The following AGBL1 variants were observed in gnomAD, a reference collection of about 807,000 sequenced individuals.
The protein encoded by AGBL1 is cytosolic carboxypeptidase 4.
In AGBL1, 130 loss-of-function variants were observed where a neutral mutation model predicts 118.9. That is an observed-to-expected ratio of 1.09 (90% CI 0.95 to 1.26). AGBL1 has a LOEUF of 1.26. Among genes scored for constraint, AGBL1 ranks in the 50% most tolerant of loss-of-function variants. The pLI, the probability that AGBL1 is intolerant of heterozygous loss-of-function variation, is 0.00. For synonymous variants in AGBL1, 555 were observed against 478.9 expected, an observed-to-expected ratio of 1.16 and a Z score of -2.08; for missense variants, 1,584 against 1,298.1, an observed-to-expected ratio of 1.22 and a Z score of -3.38.
chr15:86,779,783 T>A (rs1351238605), intron 22 of AGBL1, among the ~76,000 whole-genome samples: 1 of 151,934 alleles, frequency 6.6e-6, no homozygotes, highest in Non-Finnish European at 1.5e-5. Context: ...TAAAATAGAG[T>A]ATTTTATTTT....
intron 17 of AGBL1, among the ~76,000 whole-genome samples, chr15:86,397,091 A>G (rs1363704203): frequency 2.6e-5 from 4 of 152,176 alleles, no homozygotes; most frequent in Non-Finnish European, 4.4e-5. Flanking sequence ...CAATCCATCT[A>G]TTTAAAACCT....
chr15:86,872,651 G>A (rs752140957), intron 22 of AGBL1, among the ~76,000 whole-genome samples: 3 of 152,160 alleles, frequency 2.0e-5, no homozygotes, highest in Non-Finnish European at 2.9e-5. Flanking sequence ...AGCTACTCAG[G>A]AGGCTGAGGC....
At chr15:86,834,228 A>G (rs1185638343) in intron 22 of AGBL1, among the ~76,000 whole-genome samples, 2 of 152,186 alleles carry the variant, frequency 1.3e-5, no homozygotes, top group African/African-American at 2.4e-5. Flanking sequence ...CGGTATCCCA[A>G]TAATAGATGC....
intron 23 of AGBL1, among the ~76,000 whole-genome samples, chr15:86,984,914 C>A (rs575320773): frequency 6.6e-6 from 1 of 152,184 alleles, no homozygotes; most frequent in Non-Finnish European, 1.5e-5. Context: ...TGGTCACAGA[C>A]AACCGATGAT....
chr15:86,712,987 G>C (rs2086584354), intron 22 of AGBL1, among the ~76,000 whole-genome samples: 1 of 152,074 alleles, frequency 6.6e-6, no homozygotes, highest in African/African-American at 2.4e-5. Flanking sequence ...ATAATGATGT[G>C]CACTACAACC....
chr15:86,756,418 G>C lies in AGBL1; in HGVS notation c.3158+81982G>C, dbSNP rs147101304. On this transcript the variant is annotated intron_variant, in intron 22 of 22. Coordinates refer to ENST00000614907, the MANE Select transcript of AGBL1 (RefSeq NM_001386094.1). Reference sequence around the variant, plus strand: ...TGGGGACTCATCAGTTCATAAGATAGACACAGGCCCTGCCTGTTGGCTCCT... The same window carrying C: ...TGGGGACTCATCAGTTCATAAGATACACACAGGCCCTGCCTGTTGGCTCCT... Among the ~76,000 whole-genome samples the C allele has an allele frequency of 2.0e-5, 3 of 152,090 alleles. No individual in the cohort carries two copies. The East Asian group carries it at 5.8e-4, about 29-fold the overall frequency.
At chr15:86,267,189 C>A in intron 13 of AGBL1, 113 bp downstream of exon 13, 2 of 794,732 alleles carry the variant, frequency 2.5e-6, no homozygotes, top group South Asian at 1.6e-5. Context: ...TGAAATCAGC[C>A]ATGGTGGGAA....
chr15:86,353,879 T>C (rs2080669973), intron 17 of AGBL1, among the ~76,000 whole-genome samples: 1 of 152,220 alleles, frequency 6.6e-6, no homozygotes, highest in African/African-American at 2.4e-5. Flanking sequence ...TGTTGGACGA[T>C]AAGAAACTAG....
chr15:86,107,041 A>G (rs754377035), intron 1 of AGBL1, among the ~76,000 whole-genome samples: 1 of 152,200 alleles, frequency 6.6e-6, no homozygotes, highest in Non-Finnish European at 1.5e-5. Flanking sequence ...CACAAAGGGG[A>G]GAAGGAGACC....
At chr15:86,200,066 A>G (rs2077878771) in intron 5 of AGBL1, among the ~76,000 whole-genome samples, 2 of 152,348 alleles carry the variant, frequency 1.3e-5, no homozygotes, top group South Asian at 4.1e-4. Context: ...ATTTCCATGC[A>G]AACGCTGTTA....
chr15:86,254,702 A>C (rs1305116951), intron 7 of AGBL1, among the ~76,000 whole-genome samples: 1 of 152,046 alleles, frequency 6.6e-6, no homozygotes, highest in Admixed American at 6.5e-5. Context: ...TTTTTGATGC[A>C]AAGCACAAGT....
chr15:86,955,086 A>C (rs374758673), intron 23 of AGBL1, among the ~76,000 whole-genome samples: 41 of 152,222 alleles, frequency 2.7e-4, no homozygotes, highest in African/African-American at 9.9e-4. Context: ...GCTGTCGTAC[A>C]TTTCACTATT....
chr15:86,725,516 C>T (rs1482804557), intron 22 of AGBL1, among the ~76,000 whole-genome samples: 1 of 152,208 alleles, frequency 6.6e-6, no homozygotes, highest in African/African-American at 2.4e-5. Flanking sequence ...GTTGTGGCTG[C>T]CTCTTTTACC....
chr15:86,854,002 AT>A (rs1209329691), intron 22 of AGBL1, among the ~76,000 whole-genome samples: 6 of 151,918 alleles, frequency 3.9e-5, no homozygotes, highest in African/African-American at 9.7e-5. Context: ...AAGGACAGCA[AT>A]TTTTTTTTAA....
intron 21 of AGBL1, among the ~76,000 whole-genome samples, chr15:86,609,537 A>G (rs1258737425): frequency 2.0e-5 from 3 of 152,160 alleles, no homozygotes; most frequent in African/African-American, 7.2e-5. Flanking sequence ...GTGTTGACCT[A>G]TTCTTGGGTT....
intron 22 of AGBL1, among the ~76,000 whole-genome samples, chr15:86,817,337 C>A (rs1169725018): frequency 6.7e-6 from 1 of 150,100 alleles, no homozygotes. Flanking sequence ...ATGGGCCAAG[C>A]CTTCTAAATG....
chr15:86,336,015 G>C (rs187630250), intron 17 of AGBL1, among the ~76,000 whole-genome samples: 4 of 152,212 alleles, frequency 2.6e-5, no homozygotes, highest in Non-Finnish European at 4.4e-5. Context: ...GTGCTGTATT[G>C]TGAAGGTGTT....
At chr15:86,107,246 G>A (rs191414921) in intron 1 of AGBL1, among the ~76,000 whole-genome samples, 1 of 152,300 alleles carries the variant, frequency 6.6e-6, no homozygotes, top group East Asian at 1.9e-4. Flanking sequence ...CATGGTTTCT[G>A]TTCTGTTCTT....
At chr15:86,730,887 G>C (rs1014861247) in intron 22 of AGBL1, among the ~76,000 whole-genome samples, 1 of 152,088 alleles carries the variant, frequency 6.6e-6, no homozygotes, top group Non-Finnish European at 1.5e-5. Context: ...GAGTGCAGTG[G>C]CATGATCTCG....
Sources: gnomAD v4.1 joint callset for allele counts (sites outside exome capture counted in the v4.1 genomes callset) on GRCh38, gnomAD v4.1.1 for gene constraint, MANE v1.5 for transcripts, NCBI Gene and HGNC (gene_info 2026-07-23, HGNC 2026-07-21) for gene names.